ARID4B: variants seen among roughly 807,000 people sequenced by gnomAD.
ARID4B encodes AT-rich interactive domain-containing protein 4B.
In ARID4B, 26 loss-of-function variants were observed where a neutral mutation model predicts 147.5. That is an observed-to-expected ratio of 0.18 (90% CI 0.13 to 0.24). ARID4B has a LOEUF of 0.24. Ranked by LOEUF, ARID4B falls within the 10% of genes least tolerant of loss-of-function variation. The pLI is 1.00. For missense variants in ARID4B, 1,179 were observed against 1,511.5 expected (o/e 0.78, Z 3.65); for synonymous variants, 512 against 507.9 (o/e 1.01, Z -0.11).
intron 2 of ARID4B, among the ~76,000 whole-genome samples, chr1:235,316,061 G>C (rs376950702): frequency 2.5e-4 from 38 of 151,994 alleles, no homozygotes; most frequent in East Asian, 7.7e-4. Flanking sequence ...ATTTGCTACA[G>C]ACTACAATTC....
chr1:235,318,478 T>C (rs1674595812), intron 2 of ARID4B, among the ~76,000 whole-genome samples: 1 of 152,088 alleles, frequency 6.6e-6, no homozygotes, highest in South Asian at 2.1e-4. Context: ...GGTCAACACT[T>C]GCTACTTCTT....
rs1396898129 is a variant in ARID4B at position 235,213,928 on chromosome 1, T to C, written c.1682A>G (p.Asn561Ser). ...ATAGCACTCAAACTCCTCTTCCTCA[T>C]TGTTGTCATCATCATCTTCATCCTC... Reference protein sequence around the residue: ...EEEDEDDDDNNEEEEFECYPP... With the variant: ...EEEDEDDDDNSEEEEFECYPP... The change falls in exon 17 of 24, where the codon AAT (asparagine) becomes AGT (serine). Residue 561 changes from asparagine to serine, a missense_variant. By Grantham distance (46) the Asn-to-Ser change is conservative. Coordinates refer to ENST00000264183, the MANE Select transcript of ARID4B (RefSeq NM_016374.6). 5 of 1,613,420 alleles carry C rather than the reference T, an allele frequency of 3.1e-6. No individual in the cohort carries two copies. Among genetic ancestry groups the C allele is most frequent in the Middle Eastern group, 1.6e-4 (1 of 6,084 alleles).
chr1:235,271,085 G>A (rs1209035993), intron 2 of ARID4B, among the ~76,000 whole-genome samples: 1 of 152,052 alleles, frequency 6.6e-6, no homozygotes, highest in Non-Finnish European at 1.5e-5. Flanking sequence ...ATCCCTACTG[G>A]GCCAGTCCTG....
At chr1:235,301,143 C>T (rs1673108954) in intron 2 of ARID4B, among the ~76,000 whole-genome samples, 1 of 150,672 alleles carries the variant, frequency 6.6e-6, no homozygotes, top group African/African-American at 2.4e-5. Flanking sequence ...GCCTCAGCCT[C>T]CCAAAGTGTT....
rs752300197 is a variant in ARID4B, at chr1:235,309,601, C to A, written c.6+17313G>T. Among the ~76,000 whole-genome samples the A allele has an allele frequency of 3.4e-3, 509 of 150,448 alleles. 1 individual carries two copies. Among genetic ancestry groups the A allele is most frequent in the Non-Finnish European group, 4.9e-3 (332 of 67,370 alleles). On this transcript the variant is annotated intron_variant, in intron 2 of 23. Coordinates refer to ENST00000264183, the MANE Select transcript of ARID4B (RefSeq NM_016374.6). The stretch of plus-strand genomic sequence containing the variant: ...GCCGCCCCGTCCGGGAGGTGAGGGG[C>A]GCCTCTGCCCGGCCACCCCTACTGG...
rs559627482 is a variant in ARID4B at position 235,186,656 on chromosome 1, G to A, written c.2126-3863C>T. ...GACCTCAGATGATCCACCTGCCTCG[G>A]CCTCCCAAAGTGCTGGGATTACAGG... On this transcript the variant is annotated intron_variant, in intron 19 of 23. Transcript: ENST00000264183. Among the ~76,000 whole-genome samples, 43 of 152,098 alleles carry A rather than the reference G, an allele frequency of 2.8e-4. No homozygotes were observed. The South Asian group carries it at 7.9e-3, about 28-fold the overall frequency.
chr1:235,245,280 G>A (rs1018532037), intron 7 of ARID4B, among the ~76,000 whole-genome samples: 3 of 151,946 alleles, frequency 2.0e-5, no homozygotes, highest in Admixed American at 1.3e-4. Flanking sequence ...TTCACAAAAC[G>A]GACGCCTCAA....
At chr1:235,240,527 T>C in intron 7 of ARID4B, 76 bp from the exon 8 acceptor site, 2 of 1,341,118 alleles carry the variant, frequency 1.5e-6, no homozygotes, top group Non-Finnish European at 2.1e-6. Flanking sequence ...ATATAGGTAT[T>C]CCCAAACTCT....
chr1:235,255,460 T>A (rs565906531), intron 5 of ARID4B, among the ~76,000 whole-genome samples, 200 bp downstream of exon 5: 1 of 152,032 alleles, frequency 6.6e-6, no homozygotes, highest in Non-Finnish European at 1.5e-5. Context: ...AATATACACA[T>A]TAAATAATTT....
chr1:235,302,153 G>GAAA (rs749154889), intron 2 of ARID4B, among the ~76,000 whole-genome samples: 5,653 of 30,448 alleles, frequency 0.19, 678 homozygotes, highest in South Asian at 0.25. Flanking sequence ...TCAAAAAACG[G>GAAA]AAAAAAAAAA....
chr1:235,242,373 A>G (rs1472501777), intron 7 of ARID4B, among the ~76,000 whole-genome samples: 1 of 152,242 alleles, frequency 6.6e-6, no homozygotes, highest in Non-Finnish European at 1.5e-5. Flanking sequence ...GACCCTACAC[A>G]TAGACACACA....
At chr1:235,198,133 T>C (rs1317915148) in intron 17 of ARID4B, among the ~76,000 whole-genome samples, 1 of 152,216 alleles carries the variant, frequency 6.6e-6, no homozygotes, top group African/African-American at 2.4e-5. Context: ...CTGAAGTCAG[T>C]TCATGATGGC....
rs1036325197 is a variant in ARID4B, at chr1:235,203,192, T to C, written c.1842-7077A>G. On this transcript the variant is annotated intron_variant, in intron 17 of 23. Coordinates refer to ENST00000264183, the MANE Select transcript of ARID4B (RefSeq NM_016374.6). ...CATACTTGCTCTCACCACAGAAAAATTGGATTTCTAAAAAGAAAACTTTAT... is the reference window on the plus strand; with the variant it reads ...CATACTTGCTCTCACCACAGAAAAACTGGATTTCTAAAAAGAAAACTTTAT... 7.9e-5 allele frequency among the ~76,000 whole-genome samples: 12 copies of C among 152,148 alleles called. 1 individual carries two copies. The highest frequency in any genetic ancestry group is 4.6e-4 in the Admixed American group (7 of 15,276).
At chr1:235,283,398 G>T (rs995761524) in intron 2 of ARID4B, among the ~76,000 whole-genome samples, 6 of 152,130 alleles carry the variant, frequency 3.9e-5, no homozygotes, top group African/African-American at 1.4e-4. Flanking sequence ...GAAAAAAGAT[G>T]ATTACAAACT....
Position 235,223,369 on chromosome 1 carries a change from GTA to G in ARID4B, c.971-111_971-110del, listed in dbSNP as rs201240296. 9.3e-3 allele frequency: 1,513 copies of G among 162,592 alleles called. 5 individuals carry two copies. The highest frequency in any genetic ancestry group is 0.028 in the East Asian group (253 of 9,060). 10.1% of individuals were successfully genotyped at this position (162,592 alleles called of 1,614,324 possible). ...TATAGTATTTTATATATATATACAC[GTA>G]TATATATATATACACGTATATATAT... On this transcript the variant is annotated intron_variant, in intron 12 of 23. Transcript: ENST00000264183.
At chr1:235,267,998 G>C (rs972685115) in intron 2 of ARID4B, among the ~76,000 whole-genome samples, 15 of 152,220 alleles carry the variant, frequency 9.9e-5, no homozygotes, top group South Asian at 8.3e-4. Flanking sequence ...GTGGCACTAA[G>C]GACATGGATT....
intron 11 of ARID4B, among the ~76,000 whole-genome samples, chr1:235,227,147 T>C (rs1572025934): frequency 6.6e-6 from 1 of 152,150 alleles, no homozygotes; most frequent in South Asian, 2.1e-4. Context: ...ACAGAGGTAC[T>C]AGCATATGCA....
intron 2 of ARID4B, among the ~76,000 whole-genome samples, chr1:235,319,393 T>A (rs1674664447): frequency 6.6e-6 from 1 of 152,090 alleles, no homozygotes; most frequent in Admixed American, 6.6e-5. Context: ...GCACCTCTGG[T>A]CCCAGCTACC....
Position 235,187,438 on chromosome 1 carries a change from G to A in ARID4B, c.2126-4645C>T, listed in dbSNP as rs11485001. 2.0e-3 allele frequency among the ~76,000 whole-genome samples: 312 copies of A among 152,284 alleles called. 2 individuals carry two copies. The highest frequency in any genetic ancestry group is 7.2e-3 in the African/African-American group (301 of 41,562). ...TCTGAGATTAACAAGAGATGATTAA[G>A]AATGCCCTATTAAAACTTGATTGAC... is the stretch of plus-strand genomic sequence containing the variant. On this transcript the variant is annotated intron_variant, in intron 19 of 23. Transcript: ENST00000264183.
Sources: gnomAD v4.1 joint callset for allele counts (sites outside exome capture counted in the v4.1 genomes callset) on GRCh38, gnomAD v4.1.1 for gene constraint, MANE v1.5 for transcripts, NCBI Gene and HGNC (gene_info 2026-07-23, HGNC 2026-07-21) for gene names.